CYTH2: variants seen among roughly 807,000 people sequenced by gnomAD.
CYTH2 encodes the protein cytohesin-2.
In CYTH2, 24 loss-of-function variants were observed where a neutral mutation model predicts 55.4. That is an observed-to-expected ratio of 0.43 (90% CI 0.31 to 0.61). CYTH2 has a LOEUF of 0.61. CYTH2 is among the 20% of genes least tolerant of loss of function. CYTH2 has a pLI of 0.08. For synonymous variants in CYTH2, 221 were observed against 209.6 expected, an observed-to-expected ratio of 1.05 and a Z score of -0.47; for missense variants, 378 against 533.5, an observed-to-expected ratio of 0.71 and a Z score of 2.87.
rs1971981470 is a variant in CYTH2 at position 48,478,699 on chromosome 19, G to A, written c.1112+107G>A. 6.9e-5 allele frequency: 48 copies of A among 697,936 alleles called. No individual in the cohort carries two copies. The South Asian group carries it at 8.9e-4, about 13-fold the overall frequency. The allele number at this position is 697,936 out of a possible 1,614,324, so 43.2% of individuals were successfully genotyped here. ...GATGCCTGGGTCTGATGGAGGAGGG[G>A]CTGGGGCCTGGACGCCTGGGTCTGA... On this transcript the variant is annotated intron_variant, in intron 11 of 11. Transcript: ENST00000452733.
chr19:48,475,140 TAGTA>T, intron 8 of CYTH2, 191 bp downstream of exon 8: 1 of 572,990 alleles, frequency 1.7e-6, no homozygotes, highest in Non-Finnish European at 3.1e-6. Flanking sequence ...GCCTGGCCTG[TAGTA>T]AGTACTTCCC....
intron 9 of CYTH2, 46 bp downstream of exon 9, chr19:48,478,191 T>G (rs1198106868): frequency 6.2e-7 from 1 of 1,612,318 alleles, no homozygotes; most frequent in Non-Finnish European, 8.5e-7. Flanking sequence ...GCGGAGTGGC[T>G]GGGAGCCTGG....
intron 8 of CYTH2, 193 bp downstream of exon 8, chr19:48,475,142 G>T: frequency 1.7e-6 from 1 of 573,644 alleles, no homozygotes; most frequent in South Asian, 2.3e-5. Flanking sequence ...CTGGCCTGTA[G>T]TAAGTACTTC....
At chr19:48,473,463 A>G in intron 5 of CYTH2, 85 bp downstream of exon 5, 3 of 1,429,898 alleles carry the variant, frequency 2.1e-6, no homozygotes, top group Non-Finnish European at 3.0e-6. Context: ...TACTCAAGAA[A>G]AAAACAGAAA....
intron 3 of CYTH2, among the ~76,000 whole-genome samples, chr19:48,471,553 G>C (rs1178219002): frequency 6.6e-6 from 1 of 152,214 alleles, no homozygotes; most frequent in Non-Finnish European, 1.5e-5. Context: ...ATGCTGCCTT[G>C]TGCTCAGAGA....
chr19:48,474,039 T>C lies in CYTH2; in HGVS notation c.547+22T>C. ...ACAGGTGCGGGCCCCAAATCCTGGGTCCTGGGAAAGAGGAGACTGGGGCCC... is the reference window on the plus strand; with the variant it reads ...ACAGGTGCGGGCCCCAAATCCTGGGCCCTGGGAAAGAGGAGACTGGGGCCC... On this transcript the variant is annotated intron_variant, in intron 6 of 11. Transcript: ENST00000452733. This position sits in a 1 kb window ranked among gnomAD's most constrained non-coding sequence, Gnocchi z 4.9. The C allele has an allele frequency of 6.3e-7, 1 of 1,586,876 alleles. No homozygotes were observed. The highest frequency in any genetic ancestry group is 8.6e-7 in the Non-Finnish European group (1 of 1,167,308).
chr19:48,469,422 G>C lies in CYTH2; in HGVS notation c.-86G>C. ...GCGGTGGCTCCCGGGGCGTTTGAGC[G>C]GGCTCACCCGAGCCCGCGGGCCAAC... On this transcript the variant is annotated 5_prime_UTR_variant, in exon 1 of 12. Transcript: ENST00000452733. The C allele has an allele frequency of 7.7e-7, 1 of 1,295,426 alleles. No individual in the cohort carries two copies. The highest frequency in any genetic ancestry group is 1.6e-5 in the African/African-American group (1 of 64,514). 80.2% of individuals were successfully genotyped at this position (1,295,426 alleles called of 1,614,324 possible). A position where few individuals can be genotyped will look rare whatever the true frequency, so the allele number is the denominator to read the frequency against.
At chr19:48,476,058 C>G (rs1431417605) in intron 8 of CYTH2, 1 of 517,840 alleles carries the variant, frequency 1.9e-6, no homozygotes, top group Non-Finnish European at 3.9e-6. Context: ...GCCTCTGAGT[C>G]TTGGGGGCCT....
At chr19:48,473,841 G>A (rs1971852520) in intron 5 of CYTH2, 64 bp from the exon 6 acceptor site, 13 of 1,301,870 alleles carry the variant, frequency 1.0e-5, no homozygotes, top group Non-Finnish European at 1.4e-5. Flanking sequence ...CTAACACAGG[G>A]ACTGAGAGTG....
intron 8 of CYTH2, 73 bp downstream of exon 8, chr19:48,475,022 C>A: frequency 7.5e-7 from 1 of 1,326,130 alleles, no homozygotes; most frequent in Non-Finnish European, 1.1e-6. Flanking sequence ...GACTCAGCTT[C>A]CGCACACACC....
intron 4 of CYTH2, chr19:48,472,810 T>C (rs1971831057): frequency 1.4e-5 from 5 of 367,846 alleles, no homozygotes; most frequent in Non-Finnish European, 2.6e-5. Flanking sequence ...TGGGGACCGC[T>C]GGGCCCTTGT....
rs948335534 is a variant in CYTH2, at chr19:48,480,782, G to C, written c.*1572G>C. ...GGAAACGGAGTCATCGACCCAAGAAGGTCGTGGGAGATGAGGTCCCAGGGT... is the reference window on the plus strand; with the variant it reads ...GGAAACGGAGTCATCGACCCAAGAACGTCGTGGGAGATGAGGTCCCAGGGT... On this transcript the variant is annotated 3_prime_UTR_variant, in exon 12 of 12. Transcript: ENST00000452733. The C allele has an allele frequency of 2.0e-5, 3 of 152,284 alleles. No individual in the cohort carries two copies. Among genetic ancestry groups the C allele is most frequent in the African/African-American group, 7.2e-5 (3 of 41,476 alleles). The allele number at this position is 152,284 out of a possible 1,614,324, so 9.4% of individuals were successfully genotyped here. A position where few individuals can be genotyped will look rare whatever the true frequency, so the allele number is the denominator to read the frequency against.
Position 48,474,359 on chromosome 19 carries a change from C to G in CYTH2, c.696+29C>G. 1 of 1,551,294 alleles carries G rather than the reference C, an allele frequency of 6.4e-7. No individual in the cohort carries two copies. Among genetic ancestry groups the G allele is most frequent in the South Asian group, 1.2e-5 (1 of 81,490 alleles). On this transcript the variant is annotated intron_variant, in intron 7 of 11. Transcript: ENST00000452733. This position sits in a 1 kb window ranked among gnomAD's most constrained non-coding sequence, Gnocchi z 4.9. Reference sequence around the variant, plus strand: ...AGTCCCCCTTCCCTGCCCCTCAGCCCTGCCCCTCTTCCTGCCACAGACACC... The same window carrying G: ...AGTCCCCCTTCCCTGCCCCTCAGCCGTGCCCCTCTTCCTGCCACAGACACC...
chr19:48,472,673 G>A lies in CYTH2; in HGVS notation c.353+230G>A, dbSNP rs969232631. On this transcript the variant is annotated intron_variant, in intron 4 of 11. Coordinates refer to ENST00000452733, the MANE Select transcript of CYTH2 (RefSeq NM_004228.7). The stretch of plus-strand genomic sequence containing the variant: ...ATGTGGGGCCTTCTGGAATTACCTG[G>A]CAGTTGTGGGGAAGCATCCATTTAT... The A allele has an allele frequency of 8.6e-6, 5 of 580,434 alleles. No homozygotes were observed. In the Admixed American group the frequency reaches 1.3e-4, roughly 15 times the overall value. 36.0% of individuals were successfully genotyped at this position (580,434 alleles called of 1,614,324 possible).
At chr19:48,469,836 G>C in intron 1 of CYTH2, 1 of 576,832 alleles carries the variant, frequency 1.7e-6, no homozygotes, top group South Asian at 1.8e-5. Context: ...TGCCGGGGCC[G>C]GGGAGGGGCG....
At position 48,474,125 on chromosome 19, in the gene CYTH2, T is replaced by G; in HGVS notation, c.548-57T>G. On this transcript the variant is annotated intron_variant, in intron 6 of 11. Coordinates refer to ENST00000452733, the MANE Select transcript of CYTH2 (RefSeq NM_004228.7). This position sits in a 1 kb window ranked among gnomAD's most constrained non-coding sequence, Gnocchi z 4.9. The stretch of plus-strand genomic sequence containing the variant: ...GCTGGGAATCCTGGGTCCTGGGGAA[T>G]GGGGGCACTGGGGACTGACATGCCT... The G allele has an allele frequency of 6.4e-7, 1 of 1,551,674 alleles. No homozygotes were observed. Among genetic ancestry groups the G allele is most frequent in the Non-Finnish European group, 8.7e-7 (1 of 1,148,020 alleles).
At position 48,479,301 on chromosome 19, in the gene CYTH2, T is replaced by C. The variant is rs1972006301; in HGVS notation, c.*91T>C. The C allele has an allele frequency of 2.9e-6, 4 of 1,399,168 alleles. No individual in the cohort carries two copies. Among genetic ancestry groups the C allele is most frequent in the Non-Finnish European group, 4.0e-6 (4 of 997,630 alleles). 86.7% of individuals were successfully genotyped at this position (1,399,168 alleles called of 1,614,324 possible). A position where few individuals can be genotyped will look rare whatever the true frequency, so the allele number is the denominator to read the frequency against. ...CTTGGGGCTGTGGATCCTGGTTCCCTGTTTGGAAAATTCACCACCTCTAGC... is the reference window on the plus strand; with the variant it reads ...CTTGGGGCTGTGGATCCTGGTTCCCCGTTTGGAAAATTCACCACCTCTAGC... On this transcript the variant is annotated 3_prime_UTR_variant, in exon 12 of 12. Coordinates refer to ENST00000452733, the MANE Select transcript of CYTH2 (RefSeq NM_004228.7).
Position 48,470,618 on chromosome 19 carries a change from G to A in CYTH2, c.183G>A (p.Arg61=). The stretch of plus-strand genomic sequence containing the variant: ...GCTCCTGCAGTAAGACCTTGCAACG[G>A]AACCGGAAGATGGCAATGGGCAGGA... ...EANEGSKTLQ[R]NRKMAMGRKK... Residue 61 remains arginine (R), a synonymous_variant, in exon 3 of 12, where the codon CGG becomes CGA. Transcript: ENST00000452733. The A allele has an allele frequency of 6.2e-7, 1 of 1,614,246 alleles. No homozygotes were observed. The highest frequency in any genetic ancestry group is 8.5e-7 in the Non-Finnish European group (1 of 1,180,050).
At position 48,470,662 on chromosome 19, in the gene CYTH2, C is replaced by G. The variant is rs1971775431; in HGVS notation, c.227C>G (p.Pro76Arg). 1 of 1,614,076 alleles carries G rather than the reference C, an allele frequency of 6.2e-7. No homozygotes were observed. The highest frequency in any genetic ancestry group is 1.3e-5 in the African/African-American group (1 of 74,918). Reference sequence around the variant, plus strand: ...GGCAGGAAGAAGTTCAACATGGACCCCAAGAAGGTGCTTGGGGCCACAGGA... The same window carrying G: ...GGCAGGAAGAAGTTCAACATGGACCGCAAGAAGGTGCTTGGGGCCACAGGA... ...AMGRKKFNMDPKKGIQFLVEN... is the reference protein window; with the variant it reads ...AMGRKKFNMDRKKGIQFLVEN... Residue 76 changes from proline (P) to arginine (R), a missense_variant, in exon 3 of 12, where the codon CCC (proline) becomes CGC (arginine). Transcript: ENST00000452733.
Sources: gnomAD v4.1 joint callset for allele counts (sites outside exome capture counted in the v4.1 genomes callset) on GRCh38, gnomAD v4.1.1 for gene constraint, Gnocchi (gnomAD v3.1) non-coding constraint, MANE v1.5 for transcripts, NCBI Gene and HGNC (gene_info 2026-07-23, HGNC 2026-07-21) for gene names.